The following STXBP5L variants were observed in gnomAD, a reference collection of about 807,000 sequenced individuals.
The protein encoded by STXBP5L is syntaxin-binding protein 5-like.
STXBP5L carries 65 observed loss-of-function variants against 144.5 expected under a neutral mutation model. That is an observed-to-expected ratio of 0.45 (90% CI 0.37 to 0.55). The LOEUF (loss-of-function observed/expected upper bound fraction) is 0.55, where lower values mean the gene tolerates loss of function less well. STXBP5L is among the 20% of genes least tolerant of loss of function. The pLI is 0.00. For synonymous variants in STXBP5L, 505 were observed against 469.6 expected (o/e 1.08, Z -0.97); for missense variants, 1,298 against 1,405.5 (o/e 0.92, Z 1.22).
intron 3 of STXBP5L, among the ~76,000 whole-genome samples, chr3:121,005,201 G>T (rs1166815361): frequency 6.6e-6 from 1 of 151,996 alleles, no homozygotes; most frequent in Non-Finnish European, 1.5e-5. Flanking sequence ...TTGGTTGGTA[G>T]GCTATTAATT....
At chr3:121,137,002 T>G (rs961775744) in intron 7 of STXBP5L, among the ~76,000 whole-genome samples, 2 of 152,146 alleles carry the variant, frequency 1.3e-5, no homozygotes, top group African/African-American at 4.8e-5. Flanking sequence ...CTCCATGTGC[T>G]CCTTATAAAT....
At chr3:121,362,151 C>G (rs998035411) in intron 20 of STXBP5L, among the ~76,000 whole-genome samples, 5 of 152,244 alleles carry the variant, frequency 3.3e-5, no homozygotes, top group African/African-American at 4.8e-5. Flanking sequence ...GAGTCTCTCT[C>G]TCTCTCTATT....
intron 9 of STXBP5L, among the ~76,000 whole-genome samples, chr3:121,190,617 C>G (rs1475262181): frequency 2.0e-5 from 3 of 151,616 alleles, no homozygotes; most frequent in South Asian, 2.1e-4. Context: ...TCCTCACTTC[C>G]CAGACGGGGC....
intron 3 of STXBP5L, among the ~76,000 whole-genome samples, chr3:120,996,811 T>G (rs886229068): frequency 1.3e-5 from 2 of 152,168 alleles, no homozygotes; most frequent in Non-Finnish European, 2.9e-5. Context: ...GCTTTCCAAC[T>G]TTTATTCTAG....
chr3:121,399,884 CTT>C (rs1446280652), intron 22 of STXBP5L, among the ~76,000 whole-genome samples: 6 of 152,196 alleles, frequency 3.9e-5, no homozygotes, highest in African/African-American at 1.4e-4. Context: ...ACACCTATCA[CTT>C]TTGTCTGCAT....
At chr3:120,999,145 C>A (rs1254590371) in intron 3 of STXBP5L, among the ~76,000 whole-genome samples, 1 of 152,080 alleles carries the variant, frequency 6.6e-6, no homozygotes, top group Non-Finnish European at 1.5e-5. Flanking sequence ...CTCTTCCTCC[C>A]GGGTTCAAGT....
rs544020300 is a variant in STXBP5L at position 120,913,440 on chromosome 3, A to G, written c.189+3673A>G. ...AAAACCATTATAGTGGGCACTTGAT[A>G]CACTTTAAATGAGTAAAGATGCATA... On this transcript the variant is annotated intron_variant, in intron 2 of 26. Transcript: ENST00000471454. Among the ~76,000 whole-genome samples the G allele has an allele frequency of 2.6e-5, 4 of 152,172 alleles. No individual in the cohort carries two copies. In the South Asian group the frequency reaches 8.3e-4, roughly 32 times the overall value.
intron 20 of STXBP5L, among the ~76,000 whole-genome samples, chr3:121,375,685 G>C (rs1012732561): frequency 3.3e-5 from 5 of 152,116 alleles, no homozygotes; most frequent in African/African-American, 4.8e-5. Flanking sequence ...CCATTTAAAT[G>C]GTGAAAACTA....
At chr3:121,128,820 C>G (rs1310193530) in intron 7 of STXBP5L, among the ~76,000 whole-genome samples, 1 of 151,994 alleles carries the variant, frequency 6.6e-6, no homozygotes, top group African/African-American at 2.4e-5. Context: ...TGGAAAATCA[C>G]AATATCTCAT....
chr3:121,330,968 C>G (rs1577474956), intron 20 of STXBP5L, among the ~76,000 whole-genome samples: 1 of 152,208 alleles, frequency 6.6e-6, no homozygotes. Flanking sequence ...GACTTGAGGA[C>G]AGGTCATGTG....
intron 9 of STXBP5L, among the ~76,000 whole-genome samples, 163 bp from the exon 10 acceptor site, chr3:121,205,760 C>G (rs1392118520): frequency 6.6e-6 from 1 of 151,946 alleles, no homozygotes; most frequent in Non-Finnish European, 1.5e-5. Flanking sequence ...TTTACAAATT[C>G]AACAAAAATA....
In STXBP5L at chr3:121,152,560, G is replaced by C. The variant is rs1237177324; in HGVS notation, c.753G>C (p.Glu251Asp). The C allele has an allele frequency of 6.3e-7, 1 of 1,594,218 alleles. No homozygotes were observed. The highest frequency in any genetic ancestry group is 1.8e-5 in the Admixed American group (1 of 57,138). Residue 251 changes from glutamate to aspartate, a missense_variant and splice_region_variant, in exon 8 of 27, where the codon GAG becomes GAC. Glu to Asp is a conservative substitution (Grantham distance 45). Coordinates refer to ENST00000471454, the MANE Select transcript of STXBP5L (RefSeq NM_001308330.2). ...KRAELRVYYD[E>D]AIHSIDWHHE... ...CAGAACTGAGAGTTTATTATGATGA[G>C]GTAAGTGATTTCTACCGACATGTTT... is the stretch of plus-strand genomic sequence containing the variant.
At chr3:121,413,344 A>G in intron 24 of STXBP5L, 21 bp downstream of exon 24, 1 of 1,502,250 alleles carries the variant, frequency 6.7e-7, no homozygotes, top group Non-Finnish European at 8.9e-7. Flanking sequence ...AGTTACATTT[A>G]TGAAAAAGAC....
chr3:121,014,474 G>T (rs1945001972), intron 3 of STXBP5L, among the ~76,000 whole-genome samples: 1 of 151,920 alleles, frequency 6.6e-6, no homozygotes, highest in South Asian at 2.1e-4. Context: ...TGTAGTTCAA[G>T]ACTTATTTAT....
intron 5 of STXBP5L, among the ~76,000 whole-genome samples, chr3:121,070,562 A>G (rs2041764472): frequency 1.3e-5 from 2 of 152,058 alleles, no homozygotes; most frequent in African/African-American, 4.8e-5. Flanking sequence ...GGTGCTCGAC[A>G]CAAATGTAGA....
At chr3:121,274,068 C>T (rs865927673) in intron 18 of STXBP5L, among the ~76,000 whole-genome samples, 2 of 152,200 alleles carry the variant, frequency 1.3e-5, no homozygotes, top group Middle Eastern at 3.4e-3. Flanking sequence ...ACTAATAGAT[C>T]TCCATTTTGT....
chr3:120,964,810 A>T (rs1311244109), intron 3 of STXBP5L, among the ~76,000 whole-genome samples: 2 of 152,154 alleles, frequency 1.3e-5, no homozygotes, highest in African/African-American at 2.4e-5. Context: ...ATCTGAGTTC[A>T]GGTCCTGGAC....
At chr3:121,034,904 A>T (rs1429273733) in intron 3 of STXBP5L, among the ~76,000 whole-genome samples, 2 of 152,106 alleles carry the variant, frequency 1.3e-5, no homozygotes, top group Non-Finnish European at 2.9e-5. Flanking sequence ...ACTTTCTAAT[A>T]ATAGTCATTC....
chr3:121,075,421 C>T (rs972048213), intron 5 of STXBP5L, among the ~76,000 whole-genome samples: 3 of 152,184 alleles, frequency 2.0e-5, no homozygotes, highest in East Asian at 3.8e-4. Flanking sequence ...TCTGCCTTTT[C>T]CTTGGCTCTG....
Sources: allele counts gnomAD v4.1 joint callset (sites outside exome capture counted in the v4.1 genomes callset), GRCh38; gene constraint gnomAD v4.1.1; transcripts MANE v1.5; gene names NCBI Gene and HGNC (gene_info 2026-07-23, HGNC 2026-07-21).